The following CAMTA1 variants were observed in gnomAD, a reference collection of about 807,000 sequenced individuals.
CAMTA1 encodes calmodulin-binding transcription activator 1.
A neutral mutation model predicts 170.9 loss-of-function variants in CAMTA1; 27 were observed. The observed-to-expected ratio is 0.16, with a 90% CI of 0.12 to 0.22. The LOEUF is 0.22. CAMTA1 is among the 10% of genes least tolerant of loss of function. The probability of loss-of-function intolerance (pLI) is 1.00; values close to 1 mark genes in which losing one functional copy is unlikely to be tolerated. For synonymous variants in CAMTA1, 833 were observed against 891.5 expected (o/e 0.93, Z 1.17); for missense variants, 1,619 against 2,217.2 (o/e 0.73, Z 5.42).
At position 7,505,078 on chromosome 1, in the gene CAMTA1, G is replaced by A. The variant is rs564245916; in HGVS notation, c.510+37177G>A. On this transcript the variant is annotated intron_variant, in intron 6 of 22. Coordinates refer to ENST00000303635, the MANE Select transcript of CAMTA1 (RefSeq NM_015215.4). ...CTGGGCAGGAGGAGTTCAGTGTAGC[G>A]CACAGCCTCCTTCACGGGCGGAAGT... 6.8e-4 allele frequency among the ~76,000 whole-genome samples: 104 copies of A among 152,184 alleles called. No individual in the cohort carries two copies. The Middle Eastern group carries it at 0.01, about 15-fold the overall frequency.
chr1:7,353,448 G>A (rs150074546), intron 5 of CAMTA1, among the ~76,000 whole-genome samples: 3,090 of 130,312 alleles, frequency 0.024, 104 homozygotes, highest in African/African-American at 0.083. Context: ...TTTTTGAGAC[G>A]GAGTTTTACT....
At chr1:7,082,440 AATAGATAGATAGATAGATAG>A (rs150422699) in intron 3 of CAMTA1, among the ~76,000 whole-genome samples, 2 of 142,208 alleles carry the variant, frequency 1.4e-5, no homozygotes, top group East Asian at 2.1e-4. Flanking sequence ...TGCATCTCGA[AATAGATAGATAGATAGATAG>A]ATAGATAGAT....
intron 6 of CAMTA1, among the ~76,000 whole-genome samples, chr1:7,551,909 T>G (rs1244884485): frequency 6.6e-6 from 1 of 152,186 alleles, no homozygotes; most frequent in African/African-American, 2.4e-5. Flanking sequence ...GAGGGAGAGT[T>G]AAGTAGGACT....
At chr1:7,751,157 C>A in intron 19 of CAMTA1, 42 bp from the exon 20 acceptor site, 1 of 1,498,000 alleles carries the variant, frequency 6.7e-7, no homozygotes, top group South Asian at 1.3e-5. Flanking sequence ...GCCCGTGCAG[C>A]CCCTGTTGTT....
At chr1:7,267,685 G>A (rs956579894) in intron 5 of CAMTA1, among the ~76,000 whole-genome samples, 3 of 152,200 alleles carry the variant, frequency 2.0e-5, no homozygotes, top group African/African-American at 7.2e-5. Context: ...TCTGTGGTAG[G>A]CTGAGGGGCC....
chr1:6,878,459 A>C (rs1292655726), intron 3 of CAMTA1, among the ~76,000 whole-genome samples: 1 of 152,222 alleles, frequency 6.6e-6, no homozygotes, highest in African/African-American at 2.4e-5. Flanking sequence ...GAGGGCTATC[A>C]TTCTGATTTT....
At chr1:6,860,606 T>A (rs1664295913) in intron 3 of CAMTA1, among the ~76,000 whole-genome samples, 2 of 152,144 alleles carry the variant, frequency 1.3e-5, no homozygotes, top group African/African-American at 4.8e-5. Flanking sequence ...TTGCTCCTAT[T>A]CTGTTCTTAA....
chr1:7,258,543 A>G (rs1006680426), intron 5 of CAMTA1, among the ~76,000 whole-genome samples: 1 of 152,190 alleles, frequency 6.6e-6, no homozygotes, highest in East Asian at 1.9e-4. Flanking sequence ...TGAGTGAGGT[A>G]TTACCCAGGT....
intron 3 of CAMTA1, among the ~76,000 whole-genome samples, chr1:7,048,988 ACT>A (rs1488638380): frequency 6.6e-6 from 1 of 152,116 alleles, no homozygotes; most frequent in African/African-American, 2.4e-5. Context: ...ATCTCCCCAG[ACT>A]CAGGCCGACT....
chr1:7,655,018 C>T (rs572568762), intron 7 of CAMTA1, among the ~76,000 whole-genome samples: 3 of 124,716 alleles, frequency 2.4e-5, no homozygotes, highest in East Asian at 5.5e-4. Flanking sequence ...ACACACACCC[C>T]TATATACACA....
At chr1:6,845,733 A>G (rs1473500990) in intron 3 of CAMTA1, among the ~76,000 whole-genome samples, 1 of 152,254 alleles carries the variant, frequency 6.6e-6, no homozygotes, top group Non-Finnish European at 1.5e-5. Flanking sequence ...TTGGAAAGCT[A>G]GAGCGTAGTA....
At chr1:7,236,159 A>T (rs980958609) in intron 4 of CAMTA1, among the ~76,000 whole-genome samples, 2 of 152,206 alleles carry the variant, frequency 1.3e-5, no homozygotes, top group African/African-American at 4.8e-5. Flanking sequence ...GGAAGTCTCC[A>T]GGTTGAAAGT....
chr1:6,837,024 G>C (rs563929520), intron 3 of CAMTA1, among the ~76,000 whole-genome samples: 16 of 149,768 alleles, frequency 1.1e-4, no homozygotes, highest in African/African-American at 3.9e-4. Context: ...TGCAATCTCC[G>C]CTCACTGCAA....
rs192306012 is a variant in CAMTA1 at position 7,355,229 on chromosome 1, A to G, written c.438+105603A>G. ...TCAAAAAAAAAAAAAAAAAAGAAAGAAAAAATTAGCCAGGCATTGTGGTGT... is the reference window on the plus strand; with the variant it reads ...TCAAAAAAAAAAAAAAAAAAGAAAGGAAAAATTAGCCAGGCATTGTGGTGT... On this transcript the variant is annotated intron_variant, in intron 5 of 22. Coordinates refer to ENST00000303635, the MANE Select transcript of CAMTA1 (RefSeq NM_015215.4). 5.0e-3 allele frequency among the ~76,000 whole-genome samples: 749 copies of G among 150,576 alleles called. 7 individuals carry two copies. The highest frequency in any genetic ancestry group is 0.017 in the African/African-American group (710 of 40,982).
chr1:6,952,223 G>A (rs1477137615), intron 3 of CAMTA1, among the ~76,000 whole-genome samples: 1 of 151,956 alleles, frequency 6.6e-6, no homozygotes, highest in Non-Finnish European at 1.5e-5. Flanking sequence ...GAGGTCAGGA[G>A]ATCGAGACCA....
chr1:7,081,312 G>A (rs1488274337), intron 3 of CAMTA1, among the ~76,000 whole-genome samples: 1 of 152,202 alleles, frequency 6.6e-6, no homozygotes, highest in Non-Finnish European at 1.5e-5. Context: ...GTCTATTGAC[G>A]AAGCTTCACA....
At chr1:6,869,310 C>G (rs1419586420) in intron 3 of CAMTA1, among the ~76,000 whole-genome samples, 7 of 152,192 alleles carry the variant, frequency 4.6e-5, no homozygotes, top group Admixed American at 1.3e-4. Flanking sequence ...CTTAGGCCAG[C>G]CCTTGATGGG....
chr1:7,203,956 C>T (rs1325140769), intron 4 of CAMTA1, among the ~76,000 whole-genome samples: 12 of 151,500 alleles, frequency 7.9e-5, no homozygotes, highest in Non-Finnish European at 1.2e-4. Context: ...CTCAACCTCC[C>T]GAGTAGCTGG....
chr1:7,020,415 C>T (rs549354515), intron 3 of CAMTA1, among the ~76,000 whole-genome samples: 1 of 152,312 alleles, frequency 6.6e-6, no homozygotes, highest in African/African-American at 2.4e-5. Context: ...TGAGTCTAGC[C>T]TGGGAGGGTA....
Sources: allele counts gnomAD v4.1 joint callset (sites outside exome capture counted in the v4.1 genomes callset), GRCh38; gene constraint gnomAD v4.1.1; transcripts MANE v1.5; gene names NCBI Gene and HGNC (gene_info 2026-07-23, HGNC 2026-07-21).